Variants in TSGA10 observed in about 807,000 individuals in gnomAD.
TSGA10 encodes the protein testis specific 10, also known as testis-specific gene 10 protein.
TSGA10 carries 43 observed loss-of-function variants against 96.6 expected under a neutral mutation model. The observed-to-expected ratio is 0.44, with a 90% CI of 0.35 to 0.57. The LOEUF is 0.57. Ranked by LOEUF, TSGA10 falls within the 20% of genes least tolerant of loss-of-function variation. The pLI is 0.01. For synonymous variants in TSGA10, 229 were observed against 269.9 expected, an observed-to-expected ratio of 0.85 and a Z score of 1.48; for missense variants, 703 against 834.4, an observed-to-expected ratio of 0.84 and a Z score of 1.94.
At chr2:99,002,922 C>T (rs577058511) in intron 20 of TSGA10, among the ~76,000 whole-genome samples, 12 of 151,366 alleles carry the variant, frequency 7.9e-5, no homozygotes, top group South Asian at 2.1e-4. Flanking sequence ...TGCAGTGGTG[C>T]GATCTTGGCT....
intron 16 of TSGA10, among the ~76,000 whole-genome samples, chr2:99,045,317 T>C (rs2082650355): frequency 6.6e-6 from 1 of 151,978 alleles, no homozygotes; most frequent in African/African-American, 2.4e-5. Context: ...GGAAAAAATG[T>C]TAAGGGCAGC....
intron 4 of TSGA10, among the ~76,000 whole-genome samples, chr2:99,115,044 T>C (rs542612448): frequency 6.6e-6 from 1 of 152,300 alleles, no homozygotes; most frequent in South Asian, 2.1e-4. Flanking sequence ...GCTATTCTTG[T>C]GCCTCAGCCT....
At chr2:99,101,244 C>CA (rs869263270) in intron 10 of TSGA10, among the ~76,000 whole-genome samples, 927 of 24,352 alleles carry the variant, frequency 0.038, 361 homozygotes, top group African/African-American at 0.12. Flanking sequence ...GACTCTGTCT[C>CA]AAAAAAAAAA....
intron 10 of TSGA10, among the ~76,000 whole-genome samples, chr2:99,089,045 G>A (rs2088937077): frequency 1.3e-5 from 2 of 152,206 alleles, no homozygotes; most frequent in Admixed American, 6.5e-5. Flanking sequence ...TGCTCCTGCA[G>A]GACCTGAGAG....
In TSGA10 at chr2:99,151,919, C is replaced by T. The variant is rs183049080; in HGVS notation, c.-621+2774G>A. Among the ~76,000 whole-genome samples, 61 of 151,952 alleles carry T rather than the reference C, an allele frequency of 4.0e-4. 1 individual carries two copies. The East Asian group carries it at 9.1e-3, about 23-fold the overall frequency. ...TTAAAAGAGGAAAGGGCATCTTTTCCGGGGGGAAGCTATATTTTATTAATC... is the reference window on the plus strand; with the variant it reads ...TTAAAAGAGGAAAGGGCATCTTTTCTGGGGGGAAGCTATATTTTATTAATC... On this transcript the variant is annotated intron_variant, in intron 1 of 20. Transcript: ENST00000393483.
intron 20 of TSGA10, among the ~76,000 whole-genome samples, chr2:98,999,444 A>G (rs1357612756): frequency 1.3e-5 from 2 of 152,186 alleles, no homozygotes; most frequent in Admixed American, 6.5e-5. Context: ...AGTAAATTCA[A>G]TGTGATGTCT....
At chr2:99,145,285 C>T (rs1355301539) in intron 1 of TSGA10, among the ~76,000 whole-genome samples, 2 of 152,116 alleles carry the variant, frequency 1.3e-5, no homozygotes, top group African/African-American at 4.8e-5. Context: ...GTGGCAGGTG[C>T]GGTGACTCAC....
At chr2:99,016,539 T>C (rs891932645) in intron 20 of TSGA10, among the ~76,000 whole-genome samples, 3 of 152,148 alleles carry the variant, frequency 2.0e-5, no homozygotes, top group Admixed American at 2.0e-4. Context: ...ACCATAAAAA[T>C]TCTAGAAGAT....
At chr2:99,082,930 A>G (rs1046618462) in intron 10 of TSGA10, among the ~76,000 whole-genome samples, 2 of 152,192 alleles carry the variant, frequency 1.3e-5, no homozygotes, top group African/African-American at 4.8e-5. Context: ...AATTTTAAAG[A>G]TTACAAAACT....
chr2:99,109,754 A>G (rs982292207), intron 5 of TSGA10, among the ~76,000 whole-genome samples: 3 of 152,218 alleles, frequency 2.0e-5, no homozygotes, highest in Non-Finnish European at 4.4e-5. Flanking sequence ...TGGGTATGCT[A>G]TATTTTAACT....
At chr2:99,149,538 G>T (rs1308545942) in intron 1 of TSGA10, among the ~76,000 whole-genome samples, 3 of 150,648 alleles carry the variant, frequency 2.0e-5, no homozygotes, top group East Asian at 2.0e-4. Flanking sequence ...AGCCTCCCGG[G>T]TTCACACCAT....
At chr2:99,102,319 G>A in intron 10 of TSGA10, 1 of 1,611,750 alleles carries the variant, frequency 6.2e-7, no homozygotes, top group South Asian at 1.1e-5. Flanking sequence ...GGAGAAGGGA[G>A]TGGTGAGAGT....
At chr2:99,106,414 C>T (rs1032405051) in intron 7 of TSGA10, among the ~76,000 whole-genome samples, 18 of 152,124 alleles carry the variant, frequency 1.2e-4, no homozygotes, top group African/African-American at 4.1e-4. Context: ...ATTATTTCTT[C>T]TCATCTTGAA....
At chr2:99,032,209 A>G (rs2081199371) in intron 17 of TSGA10, among the ~76,000 whole-genome samples, 1 of 152,122 alleles carries the variant, frequency 6.6e-6, no homozygotes, top group Non-Finnish European at 1.5e-5. Flanking sequence ...TCCTGCACTG[A>G]GTACTTGTCT....
intron 10 of TSGA10, among the ~76,000 whole-genome samples, chr2:99,088,478 C>T (rs866726116): frequency 6.6e-6 from 1 of 152,076 alleles, no homozygotes; most frequent in Non-Finnish European, 1.5e-5. Flanking sequence ...GGACATATCC[C>T]CCCTCGATAA....
At chr2:99,036,055 T>C (rs1439454237) in intron 16 of TSGA10, among the ~76,000 whole-genome samples, 1 of 152,140 alleles carries the variant, frequency 6.6e-6, no homozygotes, top group Non-Finnish European at 1.5e-5. Context: ...TTTCGAATGT[T>C]CAAGATAATT....
chr2:99,042,865 G>C (rs577743150), intron 16 of TSGA10, among the ~76,000 whole-genome samples: 1 of 151,748 alleles, frequency 6.6e-6, no homozygotes, highest in Non-Finnish European at 1.5e-5. Context: ...CATCATGCCC[G>C]GCTAATTTTT....
rs1025564735 is a variant in TSGA10 at position 99,014,844 on chromosome 2, C to T, written c.2072+3356G>A. 1.2e-4 allele frequency among the ~76,000 whole-genome samples: 18 copies of T among 152,050 alleles called. 1 individual carries two copies. The highest frequency in any genetic ancestry group is 1.5e-4 in the African/African-American group (6 of 41,376). On this transcript the variant is annotated intron_variant, in intron 20 of 20. Transcript: ENST00000393483. Reference sequence around the variant, plus strand: ...TACCACAGAAATACAAAAGATCATTCGAGGCTACTATGAACACCTTTACAC... The same window carrying T: ...TACCACAGAAATACAAAAGATCATTTGAGGCTACTATGAACACCTTTACAC...
chr2:99,108,730 A>G, intron 7 of TSGA10, 103 bp downstream of exon 7: 1 of 759,876 alleles, frequency 1.3e-6, no homozygotes, highest in Middle Eastern at 3.4e-4. Flanking sequence ...TGTTAGATTA[A>G]CTTGATTTGC....
Sources: allele counts gnomAD v4.1 joint callset (sites outside exome capture counted in the v4.1 genomes callset), GRCh38; gene constraint gnomAD v4.1.1; transcripts MANE v1.5; gene names NCBI Gene and HGNC (gene_info 2026-07-23, HGNC 2026-07-21).